The following SARDH variants were observed in gnomAD, a reference collection of about 807,000 sequenced individuals.
SARDH encodes sarcosine dehydrogenase, mitochondrial.
SARDH carries 95 observed loss-of-function variants against 109.1 expected under a neutral mutation model. The observed-to-expected ratio is 0.87, with a 90% CI of 0.74 to 1.03. The LOEUF (loss-of-function observed/expected upper bound fraction) is 1.03, where lower values mean the gene tolerates loss of function less well. Among genes scored for constraint, SARDH ranks in the 50% least tolerant of loss-of-function variants. The probability of loss-of-function intolerance (pLI) is 0.00; values close to 1 mark genes in which losing one functional copy is unlikely to be tolerated. For synonymous variants in SARDH, 572 were observed against 534.8 expected (o/e 1.07, Z -0.96); for missense variants, 1,267 against 1,287.8 (o/e 0.98, Z 0.25).
intron 20 of SARDH, among the ~76,000 whole-genome samples, chr9:133,664,343 C>T (rs992524119): frequency 6.6e-5 from 10 of 152,234 alleles, no homozygotes; most frequent in Admixed American, 6.5e-4. Context: ...TCCCCGGACC[C>T]GGGCAAGCAC....
rs1831945640 is a variant in SARDH, at chr9:133,712,165, C to T, written c.1328+454G>A. Among the ~76,000 whole-genome samples, 2 of 152,208 alleles carry T rather than the reference C, an allele frequency of 1.3e-5. No individual in the cohort carries two copies. Among genetic ancestry groups the T allele is most frequent in the African/African-American group, 2.4e-5 (1 of 41,454 alleles). On this transcript the variant is annotated intron_variant, in intron 10 of 20. Transcript: ENST00000439388. This position sits in a 1 kb window ranked among gnomAD's most constrained non-coding sequence, Gnocchi z 4.1. The stretch of plus-strand genomic sequence containing the variant: ...CCTCCCCATCACCCTGCATTAGAGA[C>T]GAGGAAGTGGCTTGCACTGGGTCTC...
chr9:133,733,230 A>G (rs907974794), intron 2 of SARDH, among the ~76,000 whole-genome samples: 2 of 152,192 alleles, frequency 1.3e-5, no homozygotes, highest in East Asian at 1.9e-4. Context: ...CCAACTCCAC[A>G]GTCAGTGACC....
downstream of SARDH, among the ~76,000 whole-genome samples, chr9:133,663,209 C>G (rs368597964): frequency 3.3e-5 from 5 of 152,350 alleles, no homozygotes; most frequent in South Asian, 4.1e-4. Context: ...GCTGGCACTT[C>G]TGTGTGGGTG....
chr9:133,729,650 C>T, intron 6 of SARDH, 115 bp downstream of exon 6: 1 of 797,022 alleles, frequency 1.3e-6, no homozygotes, highest in Non-Finnish European at 2.0e-6. Flanking sequence ...GTGACTGAGG[C>T]TTGGGGCAGT....
At chr9:133,726,394 A>ATAATAATAATAGTAATAATAG (rs59172198) in intron 6 of SARDH, among the ~76,000 whole-genome samples, 2 of 132,338 alleles carry the variant, frequency 1.5e-5, no homozygotes, top group South Asian at 5.2e-4. Flanking sequence ...AATAATAATA[A>ATAATAATAATAGTAATAATAG]TAGTAGTAGT....
At chr9:133,708,567 ACT>A in intron 10 of SARDH, 139 bp from the exon 11 acceptor site, 1 of 1,121,790 alleles carries the variant, frequency 8.9e-7, no homozygotes, top group Admixed American at 3.0e-5. Flanking sequence ...CGGGCCCCTG[ACT>A]CTCCATTCGC....
chr9:133,691,215 C>CAT (rs1554750406), intron 15 of SARDH, among the ~76,000 whole-genome samples: 138 of 145,550 alleles, frequency 9.5e-4, no homozygotes, highest in Non-Finnish European at 1.7e-3. Context: ...CACACACACA[C>CAT]GGCCACTCTC....
intron 15 of SARDH, among the ~76,000 whole-genome samples, chr9:133,690,902 T>C (rs769940135): frequency 6.6e-6 from 1 of 151,966 alleles, no homozygotes; most frequent in Non-Finnish European, 1.5e-5. Flanking sequence ...TGAGCCCCCA[T>C]TTTCTCATCT....
rs1831193056 is a variant in SARDH at position 133,693,988 on chromosome 9, C to A, written c.1921+270G>T. 6.6e-6 allele frequency among the ~76,000 whole-genome samples: 1 copy of A among 152,244 alleles called. No homozygotes were observed. The highest frequency in any genetic ancestry group is 2.1e-4 in the South Asian group (1 of 4,832). ...TCCGGGAAACCGAGCCGAGCACGCC[C>A]ACACTGCAGCCACTCCGAACCGCAA... On this transcript the variant is annotated intron_variant, in intron 15 of 20. Coordinates refer to ENST00000439388, the MANE Select transcript of SARDH (RefSeq NM_001134707.2). The surrounding 1 kb of genome is among the most constrained non-coding windows in gnomAD (Gnocchi z 5.6).
chr9:133,694,773 G>A (rs1226136026), intron 14 of SARDH, among the ~76,000 whole-genome samples: 2 of 152,212 alleles, frequency 1.3e-5, no homozygotes, highest in African/African-American at 4.8e-5. Flanking sequence ...AATGTCTGTG[G>A]CATAAATTAC....
rs1187340620 is a variant in SARDH, at chr9:133,728,617, T to C, written c.915+1148A>G. Among the ~76,000 whole-genome samples, 1 of 152,144 alleles carries C rather than the reference T, an allele frequency of 6.6e-6. No homozygotes were observed. The highest frequency in any genetic ancestry group is 2.4e-5 in the African/African-American group (1 of 41,436). On this transcript the variant is annotated intron_variant, in intron 6 of 20. Coordinates refer to ENST00000439388, the MANE Select transcript of SARDH (RefSeq NM_001134707.2). The surrounding 1 kb of genome is among the most constrained non-coding windows in gnomAD (Gnocchi z 5.0). ...AGCCCCTGAGACCCCATCAGAGCCCTTATCAGCATGTTCTGGAATTGCACA... is the reference window on the plus strand; with the variant it reads ...AGCCCCTGAGACCCCATCAGAGCCCCTATCAGCATGTTCTGGAATTGCACA...
chr9:133,732,529 C>G lies in SARDH; in HGVS notation c.404G>C (p.Arg135Pro), dbSNP rs766104484. 1.9e-6 allele frequency: 3 copies of G among 1,613,930 alleles called. No individual in the cohort carries two copies. The highest frequency in any genetic ancestry group is 2.5e-6 in the Non-Finnish European group (3 of 1,179,930). ...TAGTCCCGTCTCCTCCTCCAGCTCC[C>G]GGCTCACCACCCGCCGAGTGTGGGC... ...LLAHTRRVVS[R>P]ELEEETGLHT... The change falls in exon 3 of 21, where the codon CGG (arginine) becomes CCG (proline). Residue 135 changes from arginine (R) to proline (P), a missense_variant. Transcript: ENST00000439388.
chr9:133,659,754 G>A (rs1179587965), downstream of SARDH, among the ~76,000 whole-genome samples: 1 of 152,128 alleles, frequency 6.6e-6, no homozygotes, highest in Non-Finnish European at 1.5e-5. Flanking sequence ...CATAAGTCAC[G>A]GCGCTAGCGC....
At chr9:133,690,802 T>C (rs1442318842) in intron 15 of SARDH, among the ~76,000 whole-genome samples, 1 of 152,048 alleles carries the variant, frequency 6.6e-6, no homozygotes, top group African/African-American at 2.4e-5. Flanking sequence ...GCCCCTACCC[T>C]GGGAGGACGG....
rs781407774 is a variant in SARDH, at chr9:133,732,478, C to T, written c.455G>A (p.Gly152Asp). 1.1e-5 allele frequency: 17 copies of T among 1,595,372 alleles called. 1 individual carries two copies. In the Admixed American group the frequency reaches 2.9e-4, roughly 27 times the overall value. ...CTGCCGGTTGGACGCGATGAAGAGG[C>T]CCCCATTCTGGATCCAGCCCGTGTG... The part of the protein sequence containing the change: ...GLHTGWIQNG[G>D]LFIASNRQRL... Residue 152 changes from glycine (G) to aspartate (D), a missense_variant, in exon 3 of 21, where the codon GGC (glycine) becomes GAC (aspartate). Coordinates refer to ENST00000439388, the MANE Select transcript of SARDH (RefSeq NM_001134707.2).
intron 3 of SARDH, among the ~76,000 whole-genome samples, chr9:133,732,201 C>T (rs1832708479): frequency 6.6e-6 from 1 of 152,086 alleles, no homozygotes; most frequent in Non-Finnish European, 1.5e-5. Context: ...CCGACATGAG[C>T]CCCACTCCCG....
At position 133,729,828 on chromosome 9, in the gene SARDH, G is replaced by T; in HGVS notation, c.852C>A (p.Val284=). 1 of 1,612,462 alleles carries T rather than the reference G, an allele frequency of 6.2e-7. No individual in the cohort carries two copies. The highest frequency in any genetic ancestry group is 1.1e-5 in the South Asian group (1 of 91,082). The change falls in exon 6 of 21, where the codon GTC becomes GTA. Residue 284 remains valine (V), a synonymous_variant. Transcript: ENST00000439388. ...WASAVGRMAG[V]KVPLVAMHHA... ...GGTGCATGGCCACCAGCGGGACCTT[G>T]ACTCCAGCCATCCGGCCCACAGCAC...
At chr9:133,725,586 G>T in intron 6 of SARDH, 1 of 410,914 alleles carries the variant, frequency 2.4e-6, no homozygotes, top group Non-Finnish European at 5.0e-6. Flanking sequence ...TGAGGCACGA[G>T]AATTGCTTGA....
At chr9:133,721,959 T>C (rs916303071) in intron 6 of SARDH, among the ~76,000 whole-genome samples, 6 of 151,844 alleles carry the variant, frequency 4.0e-5, no homozygotes, top group African/African-American at 7.3e-5. Context: ...CTACTAAAAA[T>C]ACAAAAATCA....
Sources: allele counts gnomAD v4.1 joint callset (sites outside exome capture counted in the v4.1 genomes callset), GRCh38; gene constraint gnomAD v4.1.1; non-coding constraint Gnocchi (gnomAD v3.1); transcripts MANE v1.5; gene names NCBI Gene and HGNC (gene_info 2026-07-23, HGNC 2026-07-21).